TMEM235: variants seen among roughly 807,000 people sequenced by gnomAD.
The protein encoded by TMEM235 is transmembrane protein 235.
A neutral mutation model predicts 22.9 loss-of-function variants in TMEM235; 23 were observed. The observed-to-expected ratio is 1.00, with a 90% CI of 0.72 to 1.42. TMEM235 has a LOEUF of 1.42. Among genes scored for constraint, TMEM235 ranks in the 40% most tolerant of loss-of-function variants. The probability of loss-of-function intolerance (pLI) is 0.00; values close to 1 mark genes in which losing one functional copy is unlikely to be tolerated. For missense variants in TMEM235, 308 were observed against 299.5 expected (o/e 1.03, Z -0.21); for synonymous variants, 137 against 140.5 (o/e 0.98, Z 0.17).
At chr17:78,231,884 C>A in exon 2 of TMEM235, 1 of 1,129,504 alleles carries the variant, frequency 8.9e-7, no homozygotes, top group Non-Finnish European at 1.1e-6. Context: ...AGTGCGCGGG[C>A]AGGAGCGGGG....
At position 78,239,771 on chromosome 17, in the gene TMEM235, A is replaced by G; in HGVS notation, c.660-9A>G. The G allele has an allele frequency of 1.9e-6, 3 of 1,538,964 alleles. No homozygotes were observed. Among genetic ancestry groups the G allele is most frequent in the Non-Finnish European group, 2.6e-6 (3 of 1,136,708 alleles). On this transcript the variant is annotated splice_polypyrimidine_tract_variant and intron_variant, in intron 5 of 5. Coordinates refer to ENST00000421688, the Ensembl canonical transcript of TMEM235. ...CCTACTCAATGACTACCCTTTATCCATTTTACAGAGGGGGAGACTGAGGCC... is the reference window on the plus strand; with the variant it reads ...CCTACTCAATGACTACCCTTTATCCGTTTTACAGAGGGGGAGACTGAGGCC...
chr17:78,231,933 C>A (rs556227458), exon 2 of TMEM235: 26 of 997,020 alleles, frequency 2.6e-5, no homozygotes, highest in Non-Finnish European at 3.0e-5. Context: ...CGCCCGCCCG[C>A]CCCCCGTCCC....
intron 2 of TMEM235, among the ~76,000 whole-genome samples, chr17:78,232,813 T>A (rs1599040399): frequency 6.6e-6 from 1 of 152,058 alleles, no homozygotes; most frequent in South Asian, 2.1e-4. Flanking sequence ...CAGGGGTGTG[T>A]GTGTGAGTGA....
rs2076674539 is a variant in TMEM235, at chr17:78,238,846, A to G, written c.410-178A>G. On this transcript the variant is annotated intron_variant, in intron 4 of 5. Coordinates refer to ENST00000421688, the Ensembl canonical transcript of TMEM235. The surrounding 1 kb of genome is among the most constrained non-coding windows in gnomAD (Gnocchi z 4.3). The stretch of plus-strand genomic sequence containing the variant: ...CCAAGCAGGAGGTGGTGTCTGGGAG[A>G]GGCGGCCAGGTTGACAGCCAGGCAG... Among the ~76,000 whole-genome samples, 1 of 151,780 alleles carries G rather than the reference A, an allele frequency of 6.6e-6. No individual in the cohort carries two copies. The highest frequency in any genetic ancestry group is 6.6e-5 in the Admixed American group (1 of 15,224).
Position 78,238,710 on chromosome 17 carries a change from G to A in TMEM235, c.410-314G>A, listed in dbSNP as rs2076672761. Among the ~76,000 whole-genome samples, 1 of 151,916 alleles carries A rather than the reference G, an allele frequency of 6.6e-6. No homozygotes were observed. The highest frequency in any genetic ancestry group is 1.5e-5 in the Non-Finnish European group (1 of 67,968). On this transcript the variant is annotated intron_variant, in intron 4 of 5. Transcript: ENST00000421688. This position sits in a 1 kb window ranked among gnomAD's most constrained non-coding sequence, Gnocchi z 4.3. ...ACCATGTTGAGGGGCAGGTGGCACTGTTTGCAGGAGGCTTTATGGGATGAG... is the reference window on the plus strand; with the variant it reads ...ACCATGTTGAGGGGCAGGTGGCACTATTTGCAGGAGGCTTTATGGGATGAG...
exon 2 of TMEM235, chr17:78,231,739 G>T (rs762039294): frequency 8.1e-7 from 1 of 1,239,632 alleles, no homozygotes; most frequent in East Asian, 5.8e-5. Flanking sequence ...AGCCCGTGGG[G>T]ACGCTGGGAT....
intron 4 of TMEM235, among the ~76,000 whole-genome samples, chr17:78,236,884 TCTC>T (rs146614816): frequency 0.1 from 15,448 of 152,070 alleles, 1,060 homozygotes; most frequent in African/African-American, 0.19. Flanking sequence ...GAAGTCAAGG[TCTC>T]CTCTAGACAA....
intron 3 of TMEM235, 26 bp downstream of exon 2, chr17:78,234,001 C>T (rs964661169): frequency 1.3e-6 from 2 of 1,491,688 alleles, no homozygotes; most frequent in Non-Finnish European, 8.9e-7. Context: ...GGCCACCTCC[C>T]CATCCTTTCC....
intron 2 of TMEM235, among the ~76,000 whole-genome samples, 185 bp from the exon 2 acceptor site, chr17:78,233,704 AAAAAAG>A (rs1330360794): frequency 6.6e-6 from 1 of 151,482 alleles, no homozygotes; most frequent in Non-Finnish European, 1.5e-5. Flanking sequence ...TCAAAAAAAA[AAAAAAG>A]AAAAAGAAAA....
chr17:78,231,618 CCCT>C lies in TMEM235; in HGVS notation c.-398_-396del. 2 of 1,303,814 alleles carry C rather than the reference CCCT, an allele frequency of 1.5e-6. No individual in the cohort carries two copies. Among genetic ancestry groups the C allele is most frequent in the South Asian group, 1.2e-5 (1 of 80,904 alleles). The allele number at this position is 1,303,814 out of a possible 1,614,324, so 80.8% of individuals were successfully genotyped here. On this transcript the variant is annotated 5_prime_UTR_variant, in exon 2 of 6. Transcript: ENST00000421688. The stretch of plus-strand genomic sequence containing the variant: ...CTGGGGTCGGTCTCTGGCCGATCCT[CCCT>C]CCTCCTCTCAAGCCCTGCACAGCCC...
Position 78,231,679 on chromosome 17 carries a change from G to A in TMEM235, c.-345G>A, listed in dbSNP as rs751613487. On this transcript the variant is annotated 5_prime_UTR_variant, in exon 2 of 6. Transcript: ENST00000421688. ...CAGGTGCATCTTGTTTGGCTGCTGA[G>A]GAGCCGGGGGTTCAGGGAAATTAAG... The A allele has an allele frequency of 9.0e-4, 1,158 of 1,292,336 alleles. 2 individuals are homozygous for A. Among genetic ancestry groups the A allele is most frequent in the Non-Finnish European group, 9.1e-4 (897 of 981,698 alleles). 80.1% of individuals were successfully genotyped at this position (1,292,336 alleles called of 1,614,324 possible).
rs558648444 is a variant in TMEM235 at position 78,237,348 on chromosome 17, C to A, written c.410-1676C>A. On this transcript the variant is annotated intron_variant, in intron 4 of 5. Transcript: ENST00000421688. The surrounding 1 kb of genome is among the most constrained non-coding windows in gnomAD (Gnocchi z 4.7). ...CAGGATCTTGGGGGGCCTGGGGGACCGACAGGGCCCACGGTGACAGAGTCC... is the reference window on the plus strand; with the variant it reads ...CAGGATCTTGGGGGGCCTGGGGGACAGACAGGGCCCACGGTGACAGAGTCC... Among the ~76,000 whole-genome samples the A allele has an allele frequency of 6.6e-6, 1 of 152,062 alleles. No individual in the cohort carries two copies. Among genetic ancestry groups the A allele is most frequent in the Non-Finnish European group, 1.5e-5 (1 of 68,006 alleles).
chr17:78,234,004 TC>T (rs1303143279), intron 3 of TMEM235, 29 bp downstream of exon 2: 1 of 1,488,938 alleles, frequency 6.7e-7, no homozygotes, highest in South Asian at 1.3e-5. Context: ...CACCTCCCCA[TC>T]CTTTCCAAAT....
intron 2 of TMEM235, among the ~76,000 whole-genome samples, chr17:78,233,089 T>G (rs1265853991): frequency 1.3e-5 from 2 of 152,172 alleles, no homozygotes; most frequent in Non-Finnish European, 2.9e-5. Context: ...CTTGTGTTCA[T>G]CCAACAGACT....
rs2076622875 is a variant in TMEM235, at chr17:78,234,647, G to GC, written c.326_327insC (p.Gly110TrpfsTer176). On this transcript the variant is annotated frameshift_variant, in exon 4 of 6. Coordinates refer to ENST00000421688, the Ensembl canonical transcript of TMEM235. LOFTEE classifies it high-confidence loss of function. ...CCCCTGAGCCTGGTCCTTCTCGTGTGTGGCTGGATCTGCGGCCTGCTCAGC... is the reference window on the plus strand; with the variant it reads ...CCCCTGAGCCTGGTCCTTCTCGTGTGCTGGCTGGATCTGCGGCCTGCTCAGC... The GC allele has an allele frequency of 1.3e-6, 2 of 1,536,070 alleles. No individual in the cohort carries two copies. The highest frequency in any genetic ancestry group is 4.9e-5 in the East Asian group (2 of 40,928).
exon 2 of TMEM235, chr17:78,231,975 C>T: frequency 1.8e-6 from 2 of 1,086,020 alleles, no homozygotes; most frequent in South Asian, 4.4e-5. Context: ...CCCCCGCCGC[C>T]CCCGGGGCCC....
intron 4 of TMEM235, among the ~76,000 whole-genome samples, chr17:78,235,606 T>G (rs1276443827): frequency 3.4e-5 from 5 of 148,046 alleles, no homozygotes; most frequent in Non-Finnish European, 6.0e-5. Flanking sequence ...ATAGTTTTTT[T>G]TTTTTTTTTT....
rs966477794 is a variant in TMEM235 at position 78,238,140 on chromosome 17, G to C, written c.410-884G>C. The stretch of plus-strand genomic sequence containing the variant: ...CATCAGCCTGAAGCTGTGGGAAGGG[G>C]GTGGCACTCCGGGCTGGTTCCTCCA... On this transcript the variant is annotated intron_variant, in intron 4 of 5. Coordinates refer to ENST00000421688, the Ensembl canonical transcript of TMEM235. This position sits in a 1 kb window ranked among gnomAD's most constrained non-coding sequence, Gnocchi z 4.3. 6.6e-6 allele frequency among the ~76,000 whole-genome samples: 1 copy of C among 152,234 alleles called. No homozygotes were observed. Among genetic ancestry groups the C allele is most frequent in the Non-Finnish European group, 1.5e-5 (1 of 68,038 alleles).
At chr17:78,240,258 G>A (rs2145930731) in exon 6 of TMEM235, 3 of 319,884 alleles carry the variant, frequency 9.4e-6, no homozygotes, top group East Asian at 7.9e-5. Context: ...CTCCTTGCCT[G>A]CCTCAAAGGG....
Sources: allele counts gnomAD v4.1 joint callset (sites outside exome capture counted in the v4.1 genomes callset), GRCh38; gene constraint gnomAD v4.1.1; non-coding constraint Gnocchi (gnomAD v3.1); transcripts MANE v1.5; gene names NCBI Gene and HGNC (gene_info 2026-07-23, HGNC 2026-07-21).